The following CAB39L variants were observed in gnomAD, a reference collection of about 807,000 sequenced individuals.
CAB39L encodes the protein calcium-binding protein 39-like.
CAB39L carries 23 observed loss-of-function variants against 39.1 expected under a neutral mutation model. The ratio of observed to expected loss-of-function variants is 0.59; its 90% CI spans 0.42 to 0.83. The LOEUF is 0.83. Ranked by LOEUF, CAB39L falls within the 40% of genes least tolerant of loss-of-function variation. The pLI is 0.00. For missense variants in CAB39L, 366 were observed against 391.9 expected (o/e 0.93, Z 0.56); for synonymous variants, 126 against 137.2 (o/e 0.92, Z 0.57).
At chr13:49,440,714 CAGTGTGTGTG>C (rs1361105720) in intron 1 of CAB39L, among the ~76,000 whole-genome samples, 2 of 106,184 alleles carry the variant, frequency 1.9e-5, no homozygotes, top group East Asian at 2.8e-4. Context: ...TATTCCTAGG[CAGTGTGTGTG>C]TGTGTGTGTG....
chr13:49,328,019 T>C (rs566746626), intron 10 of CAB39L, among the ~76,000 whole-genome samples: 2 of 152,324 alleles, frequency 1.3e-5, no homozygotes, highest in South Asian at 4.1e-4. Flanking sequence ...GTAATGTACA[T>C]GGTTTTGTTT....
intron 4 of CAB39L, among the ~76,000 whole-genome samples, chr13:49,381,038 C>T (rs570028582): frequency 1.3e-5 from 2 of 152,338 alleles, no homozygotes; most frequent in Admixed American, 1.3e-4. Flanking sequence ...AGCGATTCTC[C>T]GGCCTCATCC....
chr13:49,392,013 C>T (rs1035136383), intron 3 of CAB39L, among the ~76,000 whole-genome samples: 3 of 150,478 alleles, frequency 2.0e-5, no homozygotes, highest in African/African-American at 4.9e-5. Flanking sequence ...AGAAACAAAA[C>T]GACACAAAAA....
chr13:49,379,358 T>C (rs1594024194), intron 4 of CAB39L, among the ~76,000 whole-genome samples: 1 of 20,694 alleles, frequency 4.8e-5, no homozygotes, highest in East Asian at 4.4e-4. Context: ...CTAAGAAAAA[T>C]TCCTCTGCCT....
chr13:49,408,015 C>A (rs1956918662), intron 3 of CAB39L, among the ~76,000 whole-genome samples: 1 of 151,880 alleles, frequency 6.6e-6, no homozygotes. Flanking sequence ...AATTTGCGGA[C>A]AAAACAGGCC....
At chr13:49,438,296 G>C (rs924476439) in intron 1 of CAB39L, among the ~76,000 whole-genome samples, 15 of 151,904 alleles carry the variant, frequency 9.9e-5, no homozygotes, top group African/African-American at 3.6e-4. Flanking sequence ...TTTTTTGCGG[G>C]TTATATTATT....
chr13:49,332,988 G>A (rs1264322796), intron 9 of CAB39L, among the ~76,000 whole-genome samples: 2 of 152,058 alleles, frequency 1.3e-5, no homozygotes, highest in African/African-American at 4.8e-5. Flanking sequence ...AATCCTGGAT[G>A]GGAAGAAAAG....
At chr13:49,395,842 G>T (rs1355019852) in intron 3 of CAB39L, among the ~76,000 whole-genome samples, 1 of 152,096 alleles carries the variant, frequency 6.6e-6, no homozygotes, top group Non-Finnish European at 1.5e-5. Context: ...CAGGGGGCAG[G>T]GGGGTAGGAG....
chr13:49,433,098 T>A (rs963246866), intron 3 of CAB39L, among the ~76,000 whole-genome samples: 1 of 152,224 alleles, frequency 6.6e-6, no homozygotes, highest in Non-Finnish European at 1.5e-5. Context: ...ATATTTTTTA[T>A]ACTGAATCTA....
chr13:49,344,196 C>A lies in CAB39L; in HGVS notation c.607G>T (p.Glu203Ter). The A allele has an allele frequency of 6.3e-7, 1 of 1,599,014 alleles. No homozygotes were observed. Among genetic ancestry groups the A allele is most frequent in the South Asian group, 1.1e-5 (1 of 90,224 alleles). The change falls in exon 8 of 11, where the codon GAA becomes TAA. Residue 203 changes from glutamate (E) to a stop codon, truncating the protein, a stop_gained. Coordinates refer to ENST00000409308, the MANE Select transcript of CAB39L (RefSeq NM_001079670.3). LOFTEE classifies it high-confidence loss of function. The stretch of plus-strand genomic sequence containing the variant: ...CTACTTACAGTGTCGTAATTTTGTT[C>A]TAAGAAGTCTGCTACCAACACTTTA... ...RHKVLVADFL[E>*]QNYDTIFEDY...
chr13:49,396,565 G>C (rs776952826), intron 3 of CAB39L, among the ~76,000 whole-genome samples: 2 of 151,960 alleles, frequency 1.3e-5, no homozygotes, highest in African/African-American at 2.4e-5. Flanking sequence ...AAAATTAGCC[G>C]GGTGTGGTGG....
At chr13:49,442,700 G>A (rs753208870) in intron 1 of CAB39L, among the ~76,000 whole-genome samples, 1 of 147,742 alleles carries the variant, frequency 6.8e-6, no homozygotes, top group Non-Finnish European at 1.5e-5. Context: ...GCTGAGGCAG[G>A]AGAATCGCTT....
At chr13:49,439,320 TG>T (rs1215246489) in intron 1 of CAB39L, among the ~76,000 whole-genome samples, 1 of 152,208 alleles carries the variant, frequency 6.6e-6, no homozygotes, top group Non-Finnish European at 1.5e-5. Flanking sequence ...CTTTTAGATT[TG>T]GGGGTACATG....
intron 2 of CAB39L, among the ~76,000 whole-genome samples, chr13:49,433,659 G>T (rs1957361984): frequency 6.6e-6 from 1 of 152,142 alleles, no homozygotes; most frequent in South Asian, 2.1e-4. Flanking sequence ...TGGGTAAAGG[G>T]CGCTCTAGTA....
intron 3 of CAB39L, among the ~76,000 whole-genome samples, chr13:49,426,107 T>C (rs1052298222): frequency 1.3e-5 from 2 of 152,176 alleles, no homozygotes; most frequent in African/African-American, 4.8e-5. Flanking sequence ...CACGCACAAA[T>C]CTTTTTCAGA....
At chr13:49,402,395 T>G (rs116708480) in intron 3 of CAB39L, among the ~76,000 whole-genome samples, 3,337 of 152,254 alleles carry the variant, frequency 0.022, 108 homozygotes, top group African/African-American at 0.073. Context: ...AGGCAATGTA[T>G]GCAGCTTGGA....
chr13:49,376,147 A>G (rs1264869701), intron 5 of CAB39L, among the ~76,000 whole-genome samples: 1 of 152,244 alleles, frequency 6.6e-6, no homozygotes, highest in African/African-American at 2.4e-5. Flanking sequence ...TTATTCAGTG[A>G]ACAAAACTAA....
At chr13:49,337,197 G>A (rs1954873566) in intron 9 of CAB39L, among the ~76,000 whole-genome samples, 1 of 152,156 alleles carries the variant, frequency 6.6e-6, no homozygotes, top group Non-Finnish European at 1.5e-5. Context: ...CAAATGCATT[G>A]TTCTATGAAT....
intron 3 of CAB39L, among the ~76,000 whole-genome samples, chr13:49,412,499 T>C (rs1239125377): frequency 1.3e-5 from 2 of 152,226 alleles, no homozygotes; most frequent in Admixed American, 6.5e-5. Flanking sequence ...AATACAATGT[T>C]ATCAATAATT....
Sources: gnomAD v4.1 joint callset for allele counts (sites outside exome capture counted in the v4.1 genomes callset) on GRCh38, gnomAD v4.1.1 for gene constraint, MANE v1.5 for transcripts, NCBI Gene and HGNC (gene_info 2026-07-23, HGNC 2026-07-21) for gene names.